Variants in NABP1 observed in about 807,000 individuals in gnomAD.
NABP1 encodes the protein nucleic acid binding protein 1, also known as SOSS complex subunit B2.
A neutral mutation model predicts 25.0 loss-of-function variants in NABP1; 18 were observed. The ratio of observed to expected loss-of-function variants is 0.72; its 90% CI spans 0.50 to 1.07. The LOEUF (loss-of-function observed/expected upper bound fraction) is 1.07, where lower values mean the gene tolerates loss of function less well. Among genes scored for constraint, NABP1 ranks in the 50% least tolerant of loss-of-function variants. NABP1 has a pLI of 0.00. For missense variants in NABP1, 270 were observed against 255.6 expected (o/e 1.06, Z -0.39); for synonymous variants, 71 against 85.0 (o/e 0.84, Z 0.91).
chr2:191,684,036 G>A (rs1687751554), intron 4 of NABP1, among the ~76,000 whole-genome samples, 194 bp from the exon 5 acceptor site: 1 of 150,422 alleles, frequency 6.6e-6, no homozygotes, highest in Non-Finnish European at 1.5e-5. Context: ...ATGTAACAGA[G>A]CTCTGAAAGG....
Position 191,683,726 on chromosome 2 carries a change from C to A in NABP1, c.303-3C>A, listed in dbSNP as rs1282014269. 6.8e-6 allele frequency: 11 copies of A among 1,607,962 alleles called. No homozygotes were observed. Among genetic ancestry groups the A allele is most frequent in the Non-Finnish European group, 8.5e-6 (10 of 1,175,980 alleles). Reference sequence around the variant, plus strand: ...ATTTAATTTTTTCTTTATTTTCTTTCAGATTTTGTATGGTTTATTCAGAAG... The same window carrying A: ...ATTTAATTTTTTCTTTATTTTCTTTAAGATTTTGTATGGTTTATTCAGAAG... On this transcript the variant is annotated splice_region_variant and splice_polypyrimidine_tract_variant and intron_variant, in intron 3 of 5. Coordinates refer to ENST00000425611, the MANE Select transcript of NABP1 (RefSeq NM_001031716.5). The surrounding 1 kb of genome is among the most constrained non-coding windows in gnomAD (Gnocchi z 4.1).
intron 2 of NABP1, among the ~76,000 whole-genome samples, chr2:191,680,882 G>T (rs550952681): frequency 6.6e-6 from 1 of 152,094 alleles, no homozygotes; most frequent in Non-Finnish European, 1.5e-5. Context: ...TTGGAGTCTG[G>T]CTCATTCTAA....
At chr2:191,679,438 G>C (rs1210960027) in intron 2 of NABP1, among the ~76,000 whole-genome samples, 5 of 152,204 alleles carry the variant, frequency 3.3e-5, no homozygotes, top group Non-Finnish European at 7.3e-5. Flanking sequence ...GTGCAGTGGC[G>C]TGATCTCTCC....
At chr2:191,685,421 A>G (rs987214227) in intron 5 of NABP1, among the ~76,000 whole-genome samples, 178 bp from the exon 6 acceptor site, 2 of 151,718 alleles carry the variant, frequency 1.3e-5, no homozygotes, top group African/African-American at 4.8e-5. Context: ...TCAAGTTAGC[A>G]TATTTATAGC....
chr2:191,680,048 G>T (rs1574755079), intron 2 of NABP1, among the ~76,000 whole-genome samples: 1 of 152,146 alleles, frequency 6.6e-6, no homozygotes, highest in African/African-American at 2.4e-5. Context: ...TGGCAGAAAG[G>T]CATCTACAAT....
chr2:191,681,184 TTAAAG>T (rs1278241134), intron 2 of NABP1, among the ~76,000 whole-genome samples: 1 of 152,184 alleles, frequency 6.6e-6, no homozygotes, highest in Non-Finnish European at 1.5e-5. Flanking sequence ...AACCCTTTAA[TTAAAG>T]TAAAGAGAAC....
rs146423553 is a variant in NABP1 at position 191,679,284 on chromosome 2, G to T, written c.230+156G>T. Among the ~76,000 whole-genome samples the T allele has an allele frequency of 3.3e-3, 498 of 152,346 alleles. 11 individuals are homozygous for T. The highest frequency in any genetic ancestry group is 0.011 in the African/African-American group (460 of 41,574). On this transcript the variant is annotated intron_variant, in intron 2 of 5. Coordinates refer to ENST00000425611, the MANE Select transcript of NABP1 (RefSeq NM_001031716.5). ...TGGTGTTAACTTTGGGTGGTGGGCA[G>T]CGCTGGGATGTAACAGACCTTTGCA...
chr2:191,679,168 G>C (rs958541598), intron 2 of NABP1, 40 bp downstream of exon 2: 41 of 1,612,622 alleles, frequency 2.5e-5, no homozygotes, highest in African/African-American at 5.3e-5. Context: ...ACAGTCTGCA[G>C]AATCGGGATT....
chr2:191,678,795 C>G (rs554691201), intron 1 of NABP1, 90 bp downstream of exon 1: 179 of 1,243,648 alleles, frequency 1.4e-4, no homozygotes, highest in Middle Eastern at 8.2e-4. Context: ...CGGGGCTCCC[C>G]TCCTCCTCCC....
chr2:191,682,446 A>G (rs754693124), intron 3 of NABP1: 1 of 466,282 alleles, frequency 2.1e-6, no homozygotes, highest in South Asian at 1.6e-5. Context: ...CTCATGTTAA[A>G]AAGGACTTGC....
At chr2:191,679,240 G>T in intron 2 of NABP1, 112 bp downstream of exon 2, 1 of 1,322,596 alleles carries the variant, frequency 7.6e-7, no homozygotes, top group Non-Finnish European at 1.0e-6. Flanking sequence ...GGCCACTCTT[G>T]AGGAGTTTTG....
intron 1 of NABP1, 117 bp downstream of exon 1, chr2:191,678,822 C>G (rs1361588525): frequency 1.0e-5 from 12 of 1,205,498 alleles, no homozygotes; most frequent in Non-Finnish European, 1.4e-5. Flanking sequence ...CCCCCACCCA[C>G]GTGGCTCTAG....
In NABP1 at chr2:191,684,219, C is replaced by CT. The variant is rs754846392; in HGVS notation, c.379-3dup. The stretch of plus-strand genomic sequence containing the variant: ...TATTCTCGTTTGGTTAAATTAAAAA[C>CT]TTTTTTTTAGGCACAGAGTGAACAG... On this transcript the variant is annotated splice_polypyrimidine_tract_variant and intron_variant, in intron 4 of 5. Coordinates refer to ENST00000425611, the MANE Select transcript of NABP1 (RefSeq NM_001031716.5). 80 of 1,525,772 alleles carry CT rather than the reference C, an allele frequency of 5.2e-5. No individual in the cohort carries two copies. Among genetic ancestry groups the CT allele is most frequent in the Admixed American group, 1.1e-4 (5 of 45,346 alleles). 94.5% of individuals were successfully genotyped at this position (1,525,772 alleles called of 1,614,324 possible). A position where few individuals can be genotyped will look rare whatever the true frequency, so the allele number is the denominator to read the frequency against.
chr2:191,682,634 A>G (rs1012663999), intron 3 of NABP1: 5 of 468,094 alleles, frequency 1.1e-5, no homozygotes, highest in Non-Finnish European at 2.2e-5. Flanking sequence ...ATTGGGTTGT[A>G]TTCATAAAGT....
chr2:191,682,415 A>G (rs547022435), intron 3 of NABP1: 23 of 409,896 alleles, frequency 5.6e-5, no homozygotes, highest in South Asian at 2.5e-4. Flanking sequence ...TTCTTTTTCT[A>G]TGGTTATGGG....
At chr2:191,680,110 G>C (rs1210177223) in intron 2 of NABP1, among the ~76,000 whole-genome samples, 2 of 151,996 alleles carry the variant, frequency 1.3e-5, no homozygotes. Context: ...AAAAATACTA[G>C]AACTTTTTTT....
intron 3 of NABP1, chr2:191,682,941 G>C (rs1687726972): frequency 1.0e-5 from 2 of 196,468 alleles, no homozygotes; most frequent in African/African-American, 4.7e-5. Context: ...AGAGTTATGT[G>C]TTATGAAAGG....
At chr2:191,681,571 T>G (rs979017636) in intron 2 of NABP1, among the ~76,000 whole-genome samples, 1 of 152,190 alleles carries the variant, frequency 6.6e-6, no homozygotes, top group African/African-American at 2.4e-5. Context: ...AATGAAACAT[T>G]AGGATGATTT....
intron 2 of NABP1, among the ~76,000 whole-genome samples, chr2:191,679,348 C>G (rs1300162827): frequency 2.0e-5 from 3 of 152,182 alleles, no homozygotes; most frequent in African/African-American, 7.2e-5. Flanking sequence ...ATCCGCGCCT[C>G]TACCCCGGTT....
Sources: gnomAD v4.1 joint callset for allele counts (sites outside exome capture counted in the v4.1 genomes callset) on GRCh38, gnomAD v4.1.1 for gene constraint, Gnocchi (gnomAD v3.1) non-coding constraint, MANE v1.5 for transcripts, NCBI Gene and HGNC (gene_info 2026-07-23, HGNC 2026-07-21) for gene names.